Variants in ANKRD44 observed in about 807,000 individuals in gnomAD.
ANKRD44 encodes ankyrin repeat domain 44, also known as serine/threonine-protein phosphatase 6 regulatory ankyrin repeat subunit B.
In ANKRD44, 35 loss-of-function variants were observed where a neutral mutation model predicts 116.0. That is an observed-to-expected ratio of 0.30 (90% CI 0.23 to 0.40). The LOEUF is 0.40. Ranked by LOEUF, ANKRD44 falls within the 10% of genes least tolerant of loss-of-function variation. The probability of loss-of-function intolerance (pLI) is 1.00; values close to 1 mark genes in which losing one functional copy is unlikely to be tolerated. For missense variants in ANKRD44, 1,014 were observed against 1,242.6 expected (o/e 0.82, Z 2.77); for synonymous variants, 435 against 461.8 (o/e 0.94, Z 0.74).
At chr2:197,227,789 C>G (rs1475435290) in intron 1 of ANKRD44, among the ~76,000 whole-genome samples, 1 of 152,146 alleles carries the variant, frequency 6.6e-6, no homozygotes, top group Non-Finnish European at 1.5e-5. Context: ...CTTCATTTTC[C>G]TCATAGGTAA....
intron 17 of ANKRD44, among the ~76,000 whole-genome samples, chr2:197,022,400 C>T (rs2076514141): frequency 6.6e-6 from 1 of 152,182 alleles, no homozygotes; most frequent in Admixed American, 6.5e-5. Flanking sequence ...AAACAAAAGT[C>T]ACATCATATC....
chr2:197,112,423 T>C (rs756849745), intron 8 of ANKRD44, among the ~76,000 whole-genome samples: 3 of 152,136 alleles, frequency 2.0e-5, no homozygotes, highest in Non-Finnish European at 2.9e-5. Flanking sequence ...GAAATATGAA[T>C]TCTGGGCCAG....
At chr2:197,003,003 A>G (rs1215152039) in intron 21 of ANKRD44, among the ~76,000 whole-genome samples, 1 of 152,192 alleles carries the variant, frequency 6.6e-6, no homozygotes, top group African/African-American at 2.4e-5. Flanking sequence ...TTATGAAGTA[A>G]TAAATATAAA....
rs533445491 is a variant in ANKRD44 at position 197,296,941 on chromosome 2, A to T, written c.27+13637T>A. Among the ~76,000 whole-genome samples the T allele has an allele frequency of 1.1e-4, 16 of 152,322 alleles. No homozygotes were observed. In the East Asian group the frequency reaches 3.1e-3, roughly 29 times the overall value. ...GAAATTTTACACCAATGTTTTTTAG[A>T]CATTCTGCTGTGATGATTTTTTATG... is the stretch of plus-strand genomic sequence containing the variant. On this transcript the variant is annotated intron_variant, in intron 1 of 27. Coordinates refer to ENST00000282272, the MANE Select transcript of ANKRD44 (RefSeq NM_001195144.2).
At chr2:197,306,332 C>T (rs545995736) in intron 1 of ANKRD44, among the ~76,000 whole-genome samples, 6 of 152,176 alleles carry the variant, frequency 3.9e-5, no homozygotes, top group Non-Finnish European at 7.3e-5. Flanking sequence ...GACCCTAAAC[C>T]GGTCAATTAG....
chr2:197,188,987 A>G (rs1411542847), intron 1 of ANKRD44, among the ~76,000 whole-genome samples: 1 of 152,206 alleles, frequency 6.6e-6, no homozygotes, highest in Non-Finnish European at 1.5e-5. Context: ...CTCAGGTGAA[A>G]TCACTAGTGT....
At chr2:197,023,847 G>A (rs2076542134) in intron 17 of ANKRD44, among the ~76,000 whole-genome samples, 1 of 152,206 alleles carries the variant, frequency 6.6e-6, no homozygotes, top group South Asian at 2.1e-4. Flanking sequence ...AGATTTATAT[G>A]TATAAATATC....
At chr2:197,239,673 T>C (rs984796504) in intron 1 of ANKRD44, among the ~76,000 whole-genome samples, 2 of 152,226 alleles carry the variant, frequency 1.3e-5, no homozygotes, top group Non-Finnish European at 2.9e-5. Context: ...GTGTCTTGGT[T>C]TTACTTTTGT....
chr2:197,153,225 C>CAAAA (rs75600123), intron 2 of ANKRD44, among the ~76,000 whole-genome samples: 3,465 of 67,868 alleles, frequency 0.051, 182 homozygotes, highest in East Asian at 0.15. Flanking sequence ...AAGACCCTGC[C>CAAAA]AAAAAAAAAA....
rs187300600 is a variant in ANKRD44 at position 197,083,771 on chromosome 2, C to T, written c.1317-262G>A. ...AAAATGTTCCAATGTGCATTTCCTTCGAACATTTTGTCAGTGTCCCAAACG... is the reference window on the plus strand; with the variant it reads ...AAAATGTTCCAATGTGCATTTCCTTTGAACATTTTGTCAGTGTCCCAAACG... On this transcript the variant is annotated intron_variant, in intron 13 of 27. Transcript: ENST00000282272. Among the ~76,000 whole-genome samples the T allele has an allele frequency of 1.1e-3, 173 of 152,296 alleles. 1 individual carries two copies. The highest frequency in any genetic ancestry group is 1.8e-3 in the Non-Finnish European group (125 of 68,014).
At position 197,110,491 on chromosome 2, in the gene ANKRD44, C is replaced by T. The variant is rs188523638; in HGVS notation, c.985+275G>A. ...AGAGTGAGATGCACAGGATCTTGAG[C>T]CTACATAAATACATCATTTCCAATT... is the stretch of plus-strand genomic sequence containing the variant. On this transcript the variant is annotated intron_variant, in intron 9 of 27. Coordinates refer to ENST00000282272, the MANE Select transcript of ANKRD44 (RefSeq NM_001195144.2). 1.7e-3 allele frequency among the ~76,000 whole-genome samples: 261 copies of T among 152,246 alleles called. 1 individual carries two copies. Among genetic ancestry groups the T allele is most frequent in the South Asian group, 3.1e-3 (15 of 4,822 alleles).
At chr2:197,240,930 A>G (rs766898974) in intron 1 of ANKRD44, among the ~76,000 whole-genome samples, 4 of 151,726 alleles carry the variant, frequency 2.6e-5, no homozygotes, top group Non-Finnish European at 4.4e-5. Context: ...GCTTTCCCCA[A>G]ATGCATAATC....
chr2:197,185,498 A>C (rs117019911), intron 2 of ANKRD44, among the ~76,000 whole-genome samples: 1 of 152,196 alleles, frequency 6.6e-6, no homozygotes, highest in Non-Finnish European at 1.5e-5. Context: ...GACTTTAAAG[A>C]GAACTCCTCT....
intron 2 of ANKRD44, among the ~76,000 whole-genome samples, chr2:197,154,545 T>A (rs1047573197): frequency 6.6e-6 from 1 of 152,148 alleles, no homozygotes; most frequent in Non-Finnish European, 1.5e-5. Context: ...TTTTTTCAAC[T>A]GCGAACTGCC....
intron 25 of ANKRD44, among the ~76,000 whole-genome samples, chr2:196,997,531 C>T (rs1438666196): frequency 1.4e-5 from 2 of 147,704 alleles, no homozygotes; most frequent in African/African-American, 5.0e-5. Context: ...CTCACTGCAA[C>T]CTCTGCCTCC....
intron 16 of ANKRD44, among the ~76,000 whole-genome samples, chr2:197,061,954 T>C (rs569020277): frequency 6.6e-6 from 1 of 152,324 alleles, no homozygotes; most frequent in Non-Finnish European, 1.5e-5. Context: ...CTAATTTTTG[T>C]ATTTTTAGTA....
At chr2:197,162,494 A>G (rs2079991329) in intron 2 of ANKRD44, among the ~76,000 whole-genome samples, 1 of 152,226 alleles carries the variant, frequency 6.6e-6, no homozygotes, top group South Asian at 2.1e-4. Flanking sequence ...ACGGAAATGT[A>G]GAAGTGTGAT....
chr2:197,260,194 A>G (rs2082560554), intron 1 of ANKRD44, among the ~76,000 whole-genome samples: 2 of 151,858 alleles, frequency 1.3e-5, no homozygotes, highest in Non-Finnish European at 2.9e-5. Context: ...TTAACTCGTC[A>G]TTTAGCATTA....
At chr2:197,151,060 C>T (rs577583030) in intron 2 of ANKRD44, among the ~76,000 whole-genome samples, 1 of 150,854 alleles carries the variant, frequency 6.6e-6, no homozygotes, top group East Asian at 1.9e-4. Context: ...ATTCACATTG[C>T]CTGTATAGTC....
Sources: gnomAD v4.1 joint callset for allele counts (sites outside exome capture counted in the v4.1 genomes callset) on GRCh38, gnomAD v4.1.1 for gene constraint, MANE v1.5 for transcripts, NCBI Gene and HGNC (gene_info 2026-07-23, HGNC 2026-07-21) for gene names.